Variants in SMG5 observed in about 807,000 individuals in gnomAD.
The protein encoded by SMG5 is nonsense-mediated mRNA decay factor SMG5.
A neutral mutation model predicts 122.9 loss-of-function variants in SMG5; 53 were observed. The ratio of observed to expected loss-of-function variants is 0.43; its 90% CI spans 0.35 to 0.54. The LOEUF is 0.54. Among genes scored for constraint, SMG5 ranks in the 20% least tolerant of loss-of-function variants. SMG5 has a pLI of 0.01. For missense variants in SMG5, 1,153 were observed against 1,285.6 expected (o/e 0.90, Z 1.58); for synonymous variants, 477 against 490.2 (o/e 0.97, Z 0.35).
intron 16 of SMG5, among the ~76,000 whole-genome samples, chr1:156,254,314 A>G (rs895510455): frequency 6.6e-6 from 1 of 152,226 alleles, no homozygotes; most frequent in Non-Finnish European, 1.5e-5. Flanking sequence ...GCCCTGCTTA[A>G]AAGTTTTCTG....
At chr1:156,278,913 G>C in intron 2 of SMG5, 23 bp downstream of exon 2, 1 of 1,584,462 alleles carries the variant, frequency 6.3e-7, no homozygotes, top group Non-Finnish European at 8.7e-7. Context: ...GTAAGGATCT[G>C]TGGTTTAGAG....
At position 156,278,928 on chromosome 1, in the gene SMG5, T is replaced by C. The variant is rs200768034; in HGVS notation, c.173+8A>G. ...GTAAGGATCTGTGGTTTAGAGTCTC[T>C]AGCTTACTTGTTCCTCAGGCTAATG... On this transcript the variant is annotated splice_region_variant and intron_variant, in intron 2 of 21. Transcript: ENST00000361813. The C allele has an allele frequency of 3.3e-5, 53 of 1,610,986 alleles. No homozygotes were observed. In the African/African-American group the frequency reaches 5.5e-4, roughly 17 times the overall value.
chr1:156,266,191 G>A lies in SMG5; in HGVS notation c.1445C>T (p.Ser482Leu), dbSNP rs749443893. 1 of 1,614,202 alleles carries A rather than the reference G, an allele frequency of 6.2e-7. No individual in the cohort carries two copies. The highest frequency in any genetic ancestry group is 1.1e-5 in the South Asian group (1 of 91,092). The change falls in exon 12 of 22, where the codon TCA becomes TTA. Residue 482 changes from serine to leucine, a missense_variant. Physicochemically the swap from Ser to Leu is moderately radical, Grantham distance 145. Around this residue, in one of 5 missense-constraint regions of SMG5, gnomAD observed 631 missense variants for 650.6 expected, o/e 0.97. Transcript: ENST00000361813. ...SDLSEGFESD[S>L]SHDSARASEG... ...ACTGGCCCGGGCTGAGTCATGGCTT[G>A]AGTCCGATTCAAAGCCTTCACTCAG...
At chr1:156,291,307 C>T in the SMG5 span, 1 of 1,348,790 alleles carries the variant, frequency 7.4e-7, no homozygotes, top group Admixed American at 1.7e-5. Flanking sequence ...CCTATCTACT[C>T]CCCCCACCGT....
Position 156,266,286 on chromosome 1 carries a change from G to T in SMG5, c.1350C>A (p.Ser450Arg). ...VTPQVGEGRK[S>R]RKFSRLSCLR... ...GACAGGAGAGGCGAGAGAACTTACG[G>T]CTCTTTCTGCCCTCACCCACTTGGG... The change falls in exon 12 of 22, where the codon AGC becomes AGA. Residue 450 changes from serine (S) to arginine (R), a missense_variant. Ser to Arg is a moderately radical substitution (Grantham distance 110). Transcript: ENST00000361813. 1 of 1,614,198 alleles carries T rather than the reference G, an allele frequency of 6.2e-7. No individual in the cohort carries two copies. The highest frequency in any genetic ancestry group is 1.1e-5 in the South Asian group (1 of 91,084).
Position 156,260,530 on chromosome 1 carries a change from C to T in SMG5, c.2204G>A (p.Arg735His), listed in dbSNP as rs779923631. 1.0e-5 allele frequency: 16 copies of T among 1,580,298 alleles called. No individual in the cohort carries two copies. The highest frequency in any genetic ancestry group is 1.9e-5 in the Admixed American group (1 of 51,594). Reference sequence around the variant, plus strand: ...GGCAGCTCGGAGCGGGGGCAGGTTACGAAGAGCCATGTCCTCTGGGAGCAG... The same window carrying T: ...GGCAGCTCGGAGCGGGGGCAGGTTATGAAGAGCCATGTCCTCTGGGAGCAG... ...SLLLPEDMAL[R>H]NLPPLRAAHR... is the part of the protein sequence containing the mutation. The change falls in exon 15 of 22, where the codon CGT (arginine) becomes CAT (histidine). Residue 735 changes from arginine (R) to histidine (H), a missense_variant. Around this residue, in one of 5 missense-constraint regions of SMG5, gnomAD observed 631 missense variants for 650.6 expected, o/e 0.97. Transcript: ENST00000361813.
At chr1:156,289,118 A>G in the SMG5 span, among the ~76,000 whole-genome samples, 1 of 152,248 alleles carries the variant, frequency 6.6e-6, no homozygotes, top group African/African-American at 2.4e-5. Context: ...CAGTTTCATC[A>G]TCTGTAAAAT....
upstream of SMG5, chr1:156,285,956 G>C (rs1477396984): frequency 1.9e-6 from 3 of 1,610,008 alleles, no homozygotes; most frequent in South Asian, 2.2e-5. Flanking sequence ...GCGCTGCGGG[G>C]TCTTTGCCAC....
At chr1:156,275,386 A>C (rs1662637458) in intron 4 of SMG5, among the ~76,000 whole-genome samples, 1 of 152,204 alleles carries the variant, frequency 6.6e-6, no homozygotes, top group Admixed American at 6.5e-5. Context: ...AGAGAGCTTG[A>C]GATCTTTGGA....
chr1:156,270,537 T>C (rs1662362529), intron 7 of SMG5, among the ~76,000 whole-genome samples: 3 of 152,178 alleles, frequency 2.0e-5, no homozygotes, highest in Non-Finnish European at 2.9e-5. Flanking sequence ...GTCTAACCCA[T>C]AAACCATGAG....
intron 16 of SMG5, among the ~76,000 whole-genome samples, chr1:156,257,895 T>C (rs1661653390): frequency 6.6e-6 from 1 of 152,172 alleles, no homozygotes; most frequent in Non-Finnish European, 1.5e-5. Context: ...TGCCAGACAC[T>C]AACACCCCAA....
chr1:156,252,732 C>T (rs547786807), intron 18 of SMG5, among the ~76,000 whole-genome samples, 187 bp downstream of exon 18: 12 of 152,310 alleles, frequency 7.9e-5, no homozygotes, highest in Admixed American at 1.3e-4. Context: ...TTCTGTTTCT[C>T]CCAACTGTCT....
upstream of SMG5, chr1:156,284,310 CAG>C (rs1217163952): frequency 6.6e-6 from 1 of 152,272 alleles, no homozygotes; most frequent in Non-Finnish European, 1.5e-5. Context: ...GGGAGGGAGA[CAG>C]AGAGAAATAC....
chr1:156,266,801 CTTT>C (rs370875877), intron 10 of SMG5, 123 bp from the exon 11 acceptor site: 2,273 of 881,926 alleles, frequency 2.6e-3, no homozygotes, highest in South Asian at 3.4e-3. Context: ...ATCAAAGATT[CTTT>C]TTTTTTTTTT....
chr1:156,273,457 AAG>A lies in SMG5; in HGVS notation c.545-9_545-8del, dbSNP rs780500102. The A allele has an allele frequency of 9.9e-6, 16 of 1,613,234 alleles. No individual in the cohort carries two copies. The highest frequency in any genetic ancestry group is 1.4e-5 in the Non-Finnish European group (16 of 1,179,618). ...AATTCATTCTGATATCGGGCTGCAC[AAG>A]AGAGAAAACGAAGGGAAACTCGATG... On this transcript the variant is annotated splice_region_variant and splice_polypyrimidine_tract_variant and intron_variant, in intron 5 of 21. Coordinates refer to ENST00000361813, the MANE Select transcript of SMG5 (RefSeq NM_015327.3).
chr1:156,253,115 G>A (rs775265772), intron 17 of SMG5, 37 bp from the exon 18 acceptor site: 4 of 1,541,568 alleles, frequency 2.6e-6, no homozygotes, highest in Non-Finnish European at 3.5e-6. Flanking sequence ...AGCTGTGGGG[G>A]ACCCCTGCAG....
At chr1:156,272,282 C>T in intron 7 of SMG5, 38 bp downstream of exon 7, 2 of 1,552,922 alleles carry the variant, frequency 1.3e-6, no homozygotes, top group Non-Finnish European at 1.8e-6. Context: ...AATATGCACA[C>T]AAAAGCAGGG....
intron 21 of SMG5, 42 bp downstream of exon 21, chr1:156,250,816 G>C: frequency 6.2e-7 from 1 of 1,610,626 alleles, no homozygotes; most frequent in Non-Finnish European, 8.5e-7. Context: ...CTGGTACCTC[G>C]TCCCTATTCC....
rs746454770 is a variant in SMG5 at position 156,263,611 on chromosome 1, A to G, written c.1856-41T>C. 10 of 1,596,090 alleles carry G rather than the reference A, an allele frequency of 6.3e-6. No individual in the cohort carries two copies. In the African/African-American group the frequency reaches 1.2e-4, roughly 19 times the overall value. ...ATGGAAGAGAAAAAAACTGGGATAA[A>G]CAACTGACACTTGGGAACAGGCCTC... On this transcript the variant is annotated intron_variant, in intron 12 of 21. Coordinates refer to ENST00000361813, the MANE Select transcript of SMG5 (RefSeq NM_015327.3).
Sources: gnomAD v4.1 joint callset for allele counts (sites outside exome capture counted in the v4.1 genomes callset) on GRCh38, gnomAD v4.1.1 for gene constraint, gnomAD v4.1.1 regional missense constraint, MANE v1.5 for transcripts, NCBI Gene and HGNC (gene_info 2026-07-23, HGNC 2026-07-21) for gene names.